Variants in KLHL1 observed in about 807,000 individuals in gnomAD.
KLHL1 encodes the protein kelch-like protein 1.
KLHL1 carries 47 observed loss-of-function variants against 77.7 expected under a neutral mutation model. That is an observed-to-expected ratio of 0.60 (90% confidence interval 0.48 to 0.77). The LOEUF is 0.77. Among genes scored for constraint, KLHL1 ranks in the 30% least tolerant of loss-of-function variants. The probability of loss-of-function intolerance (pLI) is 0.00; values close to 1 mark genes in which losing one functional copy is unlikely to be tolerated. For missense variants in KLHL1, 925 were observed against 910.8 expected, an observed-to-expected ratio of 1.02 and a Z score of -0.20; for synonymous variants, 360 against 325.2, an observed-to-expected ratio of 1.11 and a Z score of -1.15.
chr13:70,075,189 T>C (rs898376564), intron 1 of KLHL1, among the ~76,000 whole-genome samples: 5 of 151,954 alleles, frequency 3.3e-5, no homozygotes, highest in African/African-American at 1.2e-4. Context: ...TGTATGGATT[T>C]GGGAGGCACA....
At chr13:70,050,132 C>T (rs1886595541) in intron 1 of KLHL1, among the ~76,000 whole-genome samples, 1 of 151,798 alleles carries the variant, frequency 6.6e-6, no homozygotes, top group Non-Finnish European at 1.5e-5. Context: ...CAAACAGCCT[C>T]TAATTTTATA....
At chr13:69,931,510 C>T (rs1461063373) in intron 4 of KLHL1, among the ~76,000 whole-genome samples, 1 of 151,706 alleles carries the variant, frequency 6.6e-6, no homozygotes, top group Non-Finnish European at 1.5e-5. Flanking sequence ...AAAGTTTTGT[C>T]CTTTTCTACT....
chr13:69,894,896 C>T, intron 4 of KLHL1: 1 of 387,294 alleles, frequency 2.6e-6, no homozygotes, highest in Non-Finnish European at 5.0e-6. Flanking sequence ...TCTATCATGG[C>T]ATGCACCTTG....
intron 4 of KLHL1, among the ~76,000 whole-genome samples, chr13:69,924,484 T>C (rs115999201): frequency 0.02 from 3,028 of 152,270 alleles, 42 homozygotes; most frequent in Middle Eastern, 0.048. Flanking sequence ...TTCTGAGAGC[T>C]GAACACTCAT....
At chr13:69,874,957 C>T (rs1880712215) in intron 5 of KLHL1, among the ~76,000 whole-genome samples, 1 of 152,172 alleles carries the variant, frequency 6.6e-6, no homozygotes, top group Middle Eastern at 3.4e-3. Flanking sequence ...TTTAGGACTA[C>T]AGGTAAATTG....
chr13:69,920,064 A>G (rs957831168), intron 4 of KLHL1, among the ~76,000 whole-genome samples: 1 of 152,132 alleles, frequency 6.6e-6, no homozygotes, highest in African/African-American at 2.4e-5. Flanking sequence ...TAGATTAGGC[A>G]GCTGTTTTTT....
intron 1 of KLHL1, among the ~76,000 whole-genome samples, chr13:70,098,522 AT>A (rs1374938297): frequency 6.6e-6 from 1 of 151,910 alleles, no homozygotes; most frequent in East Asian, 1.9e-4. Flanking sequence ...ATTTAAAAAA[AT>A]AAGTAAATAT....
At chr13:70,023,503 C>G (rs1328353825) in intron 1 of KLHL1, among the ~76,000 whole-genome samples, 3 of 151,914 alleles carry the variant, frequency 2.0e-5, no homozygotes, top group African/African-American at 7.2e-5. Flanking sequence ...AGTTCATACT[C>G]ACATTTTTCT....
At chr13:69,889,729 G>C (rs1371594575) in intron 4 of KLHL1, among the ~76,000 whole-genome samples, 1 of 152,008 alleles carries the variant, frequency 6.6e-6, no homozygotes, top group African/African-American at 2.4e-5. Flanking sequence ...GAACATTAAG[G>C]AGCTGGGTTT....
At position 70,045,065 on chromosome 13, in the gene KLHL1, TATATACACATAGTACTAATTGC is replaced by T. The variant is rs1886463229; in HGVS notation, c.497+62116_497+62137del. Among the ~76,000 whole-genome samples the T allele has an allele frequency of 2.0e-5, 3 of 152,294 alleles. No individual in the cohort carries two copies. The South Asian group carries it at 6.2e-4, about 32-fold the overall frequency. ...TATAGGAAGTCATTTTGAAGATGTT[TATATACACATAGTACTAATTGC>T]TATTTGAACTGTTACCCCAAAGTCA... On this transcript the variant is annotated intron_variant, in intron 1 of 10. Transcript: ENST00000377844.
chr13:69,781,949 T>C (rs1227342570), intron 7 of KLHL1, among the ~76,000 whole-genome samples: 5 of 152,220 alleles, frequency 3.3e-5, no homozygotes, highest in Non-Finnish European at 7.3e-5. Context: ...ACATCAATTG[T>C]AGATTTTTCT....
intron 5 of KLHL1, among the ~76,000 whole-genome samples, chr13:69,866,909 A>T (rs994051148): frequency 5.3e-5 from 8 of 151,374 alleles, no homozygotes; most frequent in African/African-American, 1.9e-4. Flanking sequence ...ATGTGTCATT[A>T]TTTTCTGAGG....
chr13:70,099,970 TGTTA>T (rs1207237830), intron 1 of KLHL1, among the ~76,000 whole-genome samples: 2 of 152,020 alleles, frequency 1.3e-5, no homozygotes, highest in Admixed American at 6.5e-5. Flanking sequence ...AAATCAGGAA[TGTTA>T]GTTCCCAAAT....
chr13:70,046,355 T>C (rs1240861469), intron 1 of KLHL1, among the ~76,000 whole-genome samples: 1 of 152,216 alleles, frequency 6.6e-6, no homozygotes, highest in Non-Finnish European at 1.5e-5. Flanking sequence ...CCTCCAACTT[T>C]ACAAGTGAAG....
intron 1 of KLHL1, among the ~76,000 whole-genome samples, chr13:70,005,689 T>A (rs189078755): frequency 1.3e-5 from 2 of 152,096 alleles, no homozygotes; most frequent in East Asian, 3.9e-4. Flanking sequence ...TTCGCTTTGA[T>A]TAAAATATCT....
intron 1 of KLHL1, among the ~76,000 whole-genome samples, chr13:70,038,754 C>A (rs976104340): frequency 2.0e-5 from 3 of 151,754 alleles, no homozygotes; most frequent in Non-Finnish European, 4.4e-5. Flanking sequence ...CCATGCCTGG[C>A]TAATTTTTGC....
At chr13:70,101,356 A>G (rs1566576310) in intron 1 of KLHL1, among the ~76,000 whole-genome samples, 1 of 152,084 alleles carries the variant, frequency 6.6e-6, no homozygotes, top group African/African-American at 2.4e-5. Context: ...TATAAACTAC[A>G]GTTTATACTA....
intron 1 of KLHL1, among the ~76,000 whole-genome samples, chr13:70,050,101 A>G (rs1886594261): frequency 6.6e-6 from 1 of 151,972 alleles, no homozygotes; most frequent in Admixed American, 6.6e-5. Context: ...ATTTAAATTG[A>G]GCAGATGACA....
intron 4 of KLHL1, among the ~76,000 whole-genome samples, chr13:69,925,877 A>T (rs1213763908): frequency 6.6e-6 from 1 of 152,182 alleles, no homozygotes; most frequent in Non-Finnish European, 1.5e-5. Flanking sequence ...TTTACTTTGC[A>T]ATAGAGTCAT....
Sources: allele counts gnomAD v4.1 joint callset (sites outside exome capture counted in the v4.1 genomes callset), GRCh38; gene constraint gnomAD v4.1.1; transcripts MANE v1.5; gene names NCBI Gene and HGNC (gene_info 2026-07-23, HGNC 2026-07-21).